Variants in RELN observed in about 807,000 individuals in gnomAD.
RELN encodes reelin.
RELN carries 108 observed loss-of-function variants against 427.6 expected under a neutral mutation model. That is an observed-to-expected ratio of 0.25 (90% CI 0.22 to 0.30). RELN has a LOEUF of 0.30. Ranked by LOEUF, RELN falls within the 10% of genes least tolerant of loss-of-function variation. The probability of loss-of-function intolerance (pLI) is 1.00; values close to 1 mark genes in which losing one functional copy is unlikely to be tolerated. For missense variants in RELN, 3,715 were observed against 4,302.8 expected, an observed-to-expected ratio of 0.86 and a Z score of 3.82; for synonymous variants, 1,524 against 1,513.4, an observed-to-expected ratio of 1.01 and a Z score of -0.16.
intron 31 of RELN, among the ~76,000 whole-genome samples, chr7:103,567,018 T>C (rs908842561): frequency 5.3e-5 from 8 of 152,202 alleles, no homozygotes; most frequent in African/African-American, 1.9e-4. Context: ...ATGAGTAAGT[T>C]GGTAAGGGGA....
chr7:103,630,441 G>T (rs758443167), intron 19 of RELN, among the ~76,000 whole-genome samples: 31 of 152,082 alleles, frequency 2.0e-4, no homozygotes, highest in Non-Finnish European at 4.3e-4. Flanking sequence ...ATTCATCATA[G>T]TCTAGTAAAG....
At chr7:103,533,920 T>C (rs913362774) in intron 46 of RELN, among the ~76,000 whole-genome samples, 2 of 152,172 alleles carry the variant, frequency 1.3e-5, no homozygotes, top group Non-Finnish European at 2.9e-5. Context: ...CTATTTTACT[T>C]ATTAAGATCG....
intron 28 of RELN, among the ~76,000 whole-genome samples, chr7:103,577,494 T>C (rs1332395324): frequency 1.3e-5 from 2 of 151,872 alleles, no homozygotes; most frequent in South Asian, 2.1e-4. Context: ...TGAAATATAT[T>C]GATCTTATTC....
Position 103,514,146 on chromosome 7 carries a change from G to A in RELN, c.8119+1039C>T, listed in dbSNP as rs145768763. On this transcript the variant is annotated intron_variant, in intron 50 of 64. Coordinates refer to ENST00000428762, the MANE Select transcript of RELN (RefSeq NM_005045.4). The stretch of plus-strand genomic sequence containing the variant: ...GAGCTGGGTGTGACAGAGTTCCACT[G>A]TCTGAATCAATACTGGCATAACAGT... 59 of 152,200 alleles carry A rather than the reference G, an allele frequency of 3.9e-4. No homozygotes were observed. In the East Asian group the frequency reaches 4.2e-3, roughly 11 times the overall value. The allele number at this position is 152,200 out of a possible 1,614,324, so 9.4% of individuals were successfully genotyped here. A position where few individuals can be genotyped will look rare whatever the true frequency, so the allele number is the denominator to read the frequency against.
intron 3 of RELN, among the ~76,000 whole-genome samples, chr7:103,779,160 G>A (rs1563008315): frequency 6.6e-6 from 1 of 152,124 alleles, no homozygotes; most frequent in African/African-American, 2.4e-5. Context: ...GATGCCCTAG[G>A]GGTCTCCATG....
intron 28 of RELN, among the ~76,000 whole-genome samples, chr7:103,588,834 C>T (rs2159676): frequency 1.3e-5 from 2 of 151,434 alleles, no homozygotes; most frequent in African/African-American, 2.4e-5. Flanking sequence ...CAAATTATCC[C>T]GTCACAGGAC....
intron 2 of RELN, among the ~76,000 whole-genome samples, chr7:103,911,585 C>G (rs1429297503): frequency 4.0e-5 from 6 of 150,812 alleles, no homozygotes. Flanking sequence ...TTCACAATAG[C>G]AAAGACTTGG....
At chr7:103,702,751 C>G (rs982667427) in intron 8 of RELN, among the ~76,000 whole-genome samples, 1 of 152,092 alleles carries the variant, frequency 6.6e-6, no homozygotes, top group Non-Finnish European at 1.5e-5. Context: ...GTCAAGGGAC[C>G]CTCACTGGCT....
chr7:103,741,840 T>C (rs558047065), intron 6 of RELN, among the ~76,000 whole-genome samples: 2 of 152,110 alleles, frequency 1.3e-5, no homozygotes, highest in East Asian at 3.9e-4. Context: ...TAGGAACAGC[T>C]CCGGTCTACA....
chr7:103,535,414 G>T lies in RELN; in HGVS notation c.7251C>A (p.Thr2417=), dbSNP rs2117118397. 1 of 1,613,952 alleles carries T rather than the reference G, an allele frequency of 6.2e-7. No individual in the cohort carries two copies. The highest frequency in any genetic ancestry group is 1.7e-5 in the Admixed American group (1 of 59,990). ...GATGATAGCGACTGCATTCCACATT[G>T]GTAGGCAGACAGTCCCTTACCAATG... ...WHPLVRDCLP[T]NVECSRYHLQ... is the part of the protein sequence containing the mutation. Residue 2417 remains threonine, a synonymous_variant, in exon 46 of 65, where the codon ACC becomes ACA. Transcript: ENST00000428762.
chr7:103,703,520 C>T (rs1834136664), intron 8 of RELN, among the ~76,000 whole-genome samples: 2 of 152,172 alleles, frequency 1.3e-5, no homozygotes, highest in African/African-American at 2.4e-5. Context: ...ACTGTGACAC[C>T]TCTCAAGGTA....
intron 1 of RELN, among the ~76,000 whole-genome samples, chr7:103,961,132 A>G (rs1206357073): frequency 6.6e-6 from 1 of 152,246 alleles, no homozygotes; most frequent in African/African-American, 2.4e-5. Flanking sequence ...TGTTATAGGT[A>G]CCTGTATTCT....
intron 2 of RELN, among the ~76,000 whole-genome samples, chr7:103,887,219 A>G (rs181233353): frequency 5.9e-5 from 9 of 152,252 alleles, no homozygotes; most frequent in Admixed American, 5.9e-4. Context: ...TCACTATTTG[A>G]CACCCCAGAC....
intron 11 of RELN, among the ~76,000 whole-genome samples, chr7:103,677,765 CAAAAA>C (rs60678229): frequency 3.6e-5 from 2 of 56,042 alleles, no homozygotes; most frequent in East Asian, 6.1e-4. Context: ...GAATCTGTCT[CAAAAA>C]AAAAAAAAAA....
At chr7:103,490,912 G>A (rs967776739) in intron 58 of RELN, 83 bp from the exon 59 acceptor site, 2 of 1,395,356 alleles carry the variant, frequency 1.4e-6, no homozygotes, top group African/African-American at 1.4e-5. Context: ...TTTGTGATCG[G>A]GTTAAATTAA....
intron 1 of RELN, among the ~76,000 whole-genome samples, chr7:103,945,363 T>C (rs143618625): frequency 0.016 from 2,476 of 152,310 alleles, 32 homozygotes; most frequent in Non-Finnish European, 0.024. Flanking sequence ...TCTCTAGGCC[T>C]CTCAGACACT....
At chr7:103,535,180 A>C in intron 46 of RELN, 136 bp downstream of exon 46, 1 of 819,582 alleles carries the variant, frequency 1.2e-6, no homozygotes, top group Non-Finnish European at 2.1e-6. Context: ...GACAGCCTTA[A>C]TAATTCATAC....
chr7:103,527,228 G>A (rs2256670), intron 46 of RELN, among the ~76,000 whole-genome samples: 38,639 of 151,990 alleles, frequency 0.25, 7,409 homozygotes, highest in African/African-American at 0.54. Flanking sequence ...CGTCATCATC[G>A]TGAGAAAAAG....
chr7:103,478,680 T>C (rs1586462617), intron 63 of RELN, among the ~76,000 whole-genome samples: 1 of 152,214 alleles, frequency 6.6e-6, no homozygotes, highest in East Asian at 1.9e-4. Flanking sequence ...ATGTTGCATA[T>C]AAATTATAAA....
Sources: allele counts gnomAD v4.1 joint callset (sites outside exome capture counted in the v4.1 genomes callset), GRCh38; gene constraint gnomAD v4.1.1; transcripts MANE v1.5; gene names NCBI Gene and HGNC (gene_info 2026-07-23, HGNC 2026-07-21).